SLC44A1: variants seen among roughly 807,000 people sequenced by gnomAD.
SLC44A1 encodes choline transporter-like protein 1.
Under a neutral mutation model 79.3 loss-of-function variants are expected in SLC44A1, and 26 were observed. The ratio of observed to expected loss-of-function variants is 0.33; its 90% CI spans 0.24 to 0.46. The LOEUF (loss-of-function observed/expected upper bound fraction) is 0.46, where lower values mean the gene tolerates loss of function less well. Among genes scored for constraint, SLC44A1 ranks in the 20% least tolerant of loss-of-function variants. The pLI is 1.00. For synonymous variants in SLC44A1, 263 were observed against 286.2 expected, an observed-to-expected ratio of 0.92 and a Z score of 0.82; for missense variants, 688 against 798.1, an observed-to-expected ratio of 0.86 and a Z score of 1.66.
intron 15 of SLC44A1, among the ~76,000 whole-genome samples, chr9:105,406,965 T>A (rs1008590753): frequency 1.3e-5 from 2 of 151,506 alleles, no homozygotes; most frequent in Non-Finnish European, 2.9e-5. Flanking sequence ...AAACCTGGAG[T>A]TGAAAATAAC....
chr9:105,419,375 C>T (rs1829214612), intron 15 of SLC44A1, among the ~76,000 whole-genome samples: 1 of 151,972 alleles, frequency 6.6e-6, no homozygotes. Context: ...GGAGATTGTG[C>T]CTTCATTGTA....
chr9:105,335,453 T>C (rs1826883840), intron 3 of SLC44A1, 110 bp from the exon 4 acceptor site: 1 of 729,946 alleles, frequency 1.4e-6, no homozygotes, highest in Admixed American at 2.8e-5. Flanking sequence ...GAGATTTTTA[T>C]CGTGGAGGAA....
At position 105,312,997 on chromosome 9, in the gene SLC44A1, C is replaced by G. The variant is rs956325697; in HGVS notation, c.269+3131C>G. Among the ~76,000 whole-genome samples, 4 of 152,276 alleles carry G rather than the reference C, an allele frequency of 2.6e-5. No homozygotes were observed. The East Asian group carries it at 7.7e-4, about 29-fold the overall frequency. On this transcript the variant is annotated intron_variant, in intron 3 of 15. Coordinates refer to ENST00000374720, the MANE Select transcript of SLC44A1 (RefSeq NM_080546.5). ...CACTCAGCCCTGCCCTTCCAGGACT[C>G]CTGTGATGTGGACCCGTTTCACCTA...
Position 105,396,840 on chromosome 9 carries a change from A to C in SLC44A1, c.*7784A>C, listed in dbSNP as rs559533951. 1.0e-6 allele frequency: 1 copy of C among 984,736 alleles called. No individual in the cohort carries two copies. The highest frequency in any genetic ancestry group is 6.1e-5 in the Admixed American group (1 of 16,264). The allele number at this position is 984,736 out of a possible 1,614,324, so 61.0% of individuals were successfully genotyped here. On this transcript the variant is annotated 3_prime_UTR_variant, in exon 16 of 16. Transcript: ENST00000374720. ...ACAGTTAAGCCTTCCATGAATTCAT[A>C]GTTTGGAATCATTTACCTTACCATT...
chr9:105,359,010 C>A (rs1020450491), intron 7 of SLC44A1, among the ~76,000 whole-genome samples: 79 of 152,290 alleles, frequency 5.2e-4, no homozygotes, highest in African/African-American at 1.9e-3. Flanking sequence ...ATCCCCTACT[C>A]TCTTCTGCTC....
chr9:105,416,946 C>T (rs974011747), intron 15 of SLC44A1, among the ~76,000 whole-genome samples: 2 of 152,212 alleles, frequency 1.3e-5, no homozygotes, highest in African/African-American at 4.8e-5. Flanking sequence ...AGATTAAACA[C>T]AAAAAGTCCC....
chr9:105,322,833 C>A (rs1332195638), intron 3 of SLC44A1, among the ~76,000 whole-genome samples: 1 of 151,986 alleles, frequency 6.6e-6, no homozygotes, highest in South Asian at 2.1e-4. Flanking sequence ...GAATATTATA[C>A]TTTAATGGTT....
rs1828089962 is a variant in SLC44A1 at position 105,371,286 on chromosome 9, T to C, written c.1495-3312T>C. On this transcript the variant is annotated intron_variant, in intron 12 of 15. Coordinates refer to ENST00000374720, the MANE Select transcript of SLC44A1 (RefSeq NM_080546.5). The stretch of plus-strand genomic sequence containing the variant: ...ACAGGAGGTCAGCAAGCTTTCTCTG[T>C]GAGGGACCAGAGAGTAAATATTTTT... Among the ~76,000 whole-genome samples, 3 of 152,228 alleles carry C rather than the reference T, an allele frequency of 2.0e-5. No homozygotes were observed. The South Asian group carries it at 6.2e-4, about 31-fold the overall frequency.
At chr9:105,266,911 A>G (rs10991602) in intron 1 of SLC44A1, among the ~76,000 whole-genome samples, 5,814 of 152,308 alleles carry the variant, frequency 0.038, 145 homozygotes, top group Middle Eastern at 0.065. Context: ...TTAATTGTCA[A>G]ATTAATACTG....
At chr9:105,283,650 A>G (rs371987584) in intron 1 of SLC44A1, among the ~76,000 whole-genome samples, 3 of 152,326 alleles carry the variant, frequency 2.0e-5, no homozygotes, top group Admixed American at 6.5e-5. Context: ...CCAAATTATT[A>G]TTATTTAAGA....
chr9:105,410,134 A>G (rs1273698607), intron 15 of SLC44A1, among the ~76,000 whole-genome samples: 1 of 152,242 alleles, frequency 6.6e-6, no homozygotes, highest in East Asian at 1.9e-4. Context: ...ACCTCTTAGA[A>G]GAACTCATAG....
chr9:105,344,013 T>C (rs947330054), intron 4 of SLC44A1, among the ~76,000 whole-genome samples: 1 of 152,180 alleles, frequency 6.6e-6, no homozygotes, highest in Non-Finnish European at 1.5e-5. Flanking sequence ...GGAATTAAAA[T>C]TGGAAAATTA....
intron 15 of SLC44A1, chr9:105,386,747 G>C (rs1828635372): frequency 6.6e-6 from 1 of 151,206 alleles, no homozygotes; most frequent in Admixed American, 6.6e-5. Flanking sequence ...AGTAGGCTAG[G>C]CATGGTGGCT....
At chr9:105,307,371 C>T (rs1460318380) in intron 2 of SLC44A1, among the ~76,000 whole-genome samples, 1 of 152,102 alleles carries the variant, frequency 6.6e-6, no homozygotes, top group Admixed American at 6.5e-5. Context: ...AGGCCACACG[C>T]GGTGGCTCAC....
intron 14 of SLC44A1, among the ~76,000 whole-genome samples, chr9:105,384,034 A>G (rs1371027514): frequency 2.0e-5 from 3 of 152,250 alleles, no homozygotes; most frequent in Non-Finnish European, 2.9e-5. Flanking sequence ...TTTCTAAATA[A>G]TAGTAGTTTG....
chr9:105,274,128 T>C (rs1830142643), intron 1 of SLC44A1, among the ~76,000 whole-genome samples: 1 of 152,200 alleles, frequency 6.6e-6, no homozygotes, highest in South Asian at 2.1e-4. Flanking sequence ...GAGGTTTTGC[T>C]TATGCTCATT....
chr9:105,398,832 CA>C (rs1450655696), downstream of SLC44A1, among the ~76,000 whole-genome samples: 1 of 152,162 alleles, frequency 6.6e-6, no homozygotes. Flanking sequence ...CTGCCTCTAC[CA>C]GGGGTGTCCA....
intron 15 of SLC44A1, among the ~76,000 whole-genome samples, chr9:105,413,062 A>G (rs989238808): frequency 6.6e-6 from 1 of 152,174 alleles, no homozygotes; most frequent in Non-Finnish European, 1.5e-5. Context: ...ATCTAAAGGG[A>G]TGTTGTAGAA....
At chr9:105,314,585 C>T (rs1456512129) in intron 3 of SLC44A1, among the ~76,000 whole-genome samples, 1 of 152,104 alleles carries the variant, frequency 6.6e-6, no homozygotes, top group East Asian at 1.9e-4. Flanking sequence ...ATCTTCTTGT[C>T]TTTCTTCCAA....
Sources: gnomAD v4.1 joint callset for allele counts (sites outside exome capture counted in the v4.1 genomes callset) on GRCh38, gnomAD v4.1.1 for gene constraint, MANE v1.5 for transcripts, NCBI Gene and HGNC (gene_info 2026-07-23, HGNC 2026-07-21) for gene names.